Variants in SCARA3 observed in about 807,000 individuals in gnomAD.
The protein encoded by SCARA3 is scavenger receptor class A member 3, also known as cellular stress response gene protein.
A neutral mutation model predicts 47.0 loss-of-function variants in SCARA3; 39 were observed. The ratio of observed to expected loss-of-function variants is 0.83; its 90% CI spans 0.64 to 1.08. SCARA3 has a LOEUF of 1.08. Ranked by LOEUF, SCARA3 falls within the 50% of genes least tolerant of loss-of-function variation. SCARA3 has a pLI of 0.00. For missense variants in SCARA3, 724 were observed against 792.3 expected (o/e 0.91, Z 1.04); for synonymous variants, 356 against 334.1 (o/e 1.07, Z -0.71).
At chr8:27,653,570 C>CGTGTGTGTGTGTGTGTGTGTGTGT (rs61545866) in intron 3 of SCARA3, among the ~76,000 whole-genome samples, 117 of 145,190 alleles carry the variant, frequency 8.1e-4, no homozygotes, top group Non-Finnish European at 1.2e-3. Flanking sequence ...ATTTGTAAAG[C>CGTGTGTGTGTGTGTGTGTGTGTGT]GTGTGTGTGT....
intron 1 of SCARA3, among the ~76,000 whole-genome samples, chr8:27,646,145 T>C (rs550745111): frequency 2.0e-5 from 3 of 151,994 alleles, no homozygotes; most frequent in Admixed American, 6.6e-5. Flanking sequence ...GAAGACCTCT[T>C]TGGGGATTGG....
downstream of SCARA3, among the ~76,000 whole-genome samples, chr8:27,675,959 T>A (rs993881786): frequency 3.3e-5 from 5 of 152,150 alleles, no homozygotes; most frequent in Non-Finnish European, 7.4e-5. Flanking sequence ...ACGCCCCAGA[T>A]AAAACTTGAG....
chr8:27,699,285 A>G, the SCARA3 span, among the ~76,000 whole-genome samples: 2 of 148,246 alleles, frequency 1.3e-5, no homozygotes, highest in Non-Finnish European at 3.0e-5. Flanking sequence ...ATTTTCCTAT[A>G]TTCTTTTACA....
the SCARA3 span, among the ~76,000 whole-genome samples, chr8:27,697,847 A>G: frequency 2.0e-5 from 3 of 152,126 alleles, no homozygotes; most frequent in Admixed American, 6.6e-5. Flanking sequence ...TTTGCCTTCC[A>G]CCATGATTGT....
At chr8:27,714,840 G>A in the SCARA3 span, among the ~76,000 whole-genome samples, 1 of 152,160 alleles carries the variant, frequency 6.6e-6, no homozygotes, top group Non-Finnish European at 1.5e-5. Context: ...TACATATCAT[G>A]TATACATACA....
chr8:27,668,546 C>CAAAAA (rs61162841), intron 5 of SCARA3, among the ~76,000 whole-genome samples: 4 of 69,844 alleles, frequency 5.7e-5, no homozygotes, highest in South Asian at 6.5e-4. Context: ...GACTCCGTCT[C>CAAAAA]AAAAAAAAAA....
At position 27,651,498 on chromosome 8, in the gene SCARA3, T is replaced by G; in HGVS notation, c.107-10T>G. 6.2e-7 allele frequency: 1 copy of G among 1,610,208 alleles called. No individual in the cohort carries two copies. The highest frequency in any genetic ancestry group is 8.5e-7 in the Non-Finnish European group (1 of 1,179,854). ...GGCCTAAGCCATTGTCCTCCTTGTGTCCCCCACAGGCCGGCCAGGGCCCCG... is the reference window on the plus strand; with the variant it reads ...GGCCTAAGCCATTGTCCTCCTTGTGGCCCCCACAGGCCGGCCAGGGCCCCG... On this transcript the variant is annotated splice_polypyrimidine_tract_variant and intron_variant, in intron 2 of 5. Transcript: ENST00000301904.
rs1289366210 is a variant in SCARA3 at position 27,671,503 on chromosome 8, A to G, written c.*152A>G. The G allele has an allele frequency of 3.1e-6, 4 of 1,295,394 alleles. No homozygotes were observed. Among genetic ancestry groups the G allele is most frequent in the Non-Finnish European group, 3.9e-6 (4 of 1,027,214 alleles). The allele number at this position is 1,295,394 out of a possible 1,614,324, so 80.2% of individuals were successfully genotyped here. On this transcript the variant is annotated 3_prime_UTR_variant, in exon 6 of 6. Transcript: ENST00000301904. ...TGACCCTGCAGCTTTGGGCTCCCCC[A>G]TAGTGACTGTGCCATAGGAAAGCAG...
chr8:27,694,751 G>A, the SCARA3 span, among the ~76,000 whole-genome samples: 1 of 152,150 alleles, frequency 6.6e-6, no homozygotes, highest in Non-Finnish European at 1.5e-5. Flanking sequence ...GGATAGCAGA[G>A]GACAGGGAGG....
intron 3 of SCARA3, among the ~76,000 whole-genome samples, chr8:27,655,325 T>TC (rs1387850694): frequency 5.3e-5 from 8 of 152,128 alleles, no homozygotes; most frequent in African/African-American, 1.9e-4. Context: ...GCTAATTCTT[T>TC]CCCCTTGTAC....
rs537828895 is a variant in SCARA3, at chr8:27,649,756, C to T, written c.62C>T (p.Ala21Val). The change falls in exon 2 of 6, where the codon GCG (alanine) becomes GTG (valine). Residue 21 changes from alanine to valine, a missense_variant. By Grantham distance (64) the Ala-to-Val change is moderately conservative. Transcript: ENST00000301904. ...DALCVTEEDL[A>V]GDDEDMPTFP... ...TTGTGCGTTACAGAAGAGGACCTGG[C>T]GGGTGACGACGAGGACATGCCGACC... 6.8e-6 allele frequency: 11 copies of T among 1,613,974 alleles called. No homozygotes were observed. Among genetic ancestry groups the T allele is most frequent in the Middle Eastern group, 1.6e-4 (1 of 6,080 alleles).
chr8:27,646,425 C>T (rs1801494080), intron 1 of SCARA3, among the ~76,000 whole-genome samples: 1 of 152,140 alleles, frequency 6.6e-6, no homozygotes. Flanking sequence ...GTCAGCCTTG[C>T]TTGATTTAAG....
At chr8:27,666,730 G>A (rs1802022515) in intron 5 of SCARA3, among the ~76,000 whole-genome samples, 1 of 152,142 alleles carries the variant, frequency 6.6e-6, no homozygotes, top group Admixed American at 6.5e-5. Flanking sequence ...ACCATAAGAT[G>A]TACCATGGGC....
the SCARA3 span, among the ~76,000 whole-genome samples, chr8:27,711,133 G>A: frequency 2.0e-5 from 3 of 152,046 alleles, no homozygotes. Flanking sequence ...TGTTGGTCAG[G>A]CTGGTCTCAA....
chr8:27,709,936 T>C, the SCARA3 span, among the ~76,000 whole-genome samples: 1 of 152,190 alleles, frequency 6.6e-6, no homozygotes, highest in Non-Finnish European at 1.5e-5. Context: ...TTCAGTGGTA[T>C]TTGATTACAG....
chr8:27,641,942 C>T (rs1585272506), intron 1 of SCARA3, among the ~76,000 whole-genome samples: 1 of 152,220 alleles, frequency 6.6e-6, no homozygotes, highest in South Asian at 2.1e-4. Flanking sequence ...TGCCTCTGAA[C>T]ATAGGTCCCA....
chr8:27,664,102 G>C (rs945463444), intron 5 of SCARA3, among the ~76,000 whole-genome samples: 1 of 152,186 alleles, frequency 6.6e-6, no homozygotes, highest in Non-Finnish European at 1.5e-5. Context: ...GAGGTGGAAG[G>C]CTCTCGAATT....
rs1325661155 is a variant in SCARA3, at chr8:27,671,474, G to GGGCT, written c.*125_*128dup. The stretch of plus-strand genomic sequence containing the variant: ...CTGATTCCAATGAGGGGGCTCCCCA[G>GGGCT]GGCTGACCCTGCAGCTTTGGGCTCC... On this transcript the variant is annotated 3_prime_UTR_variant, in exon 6 of 6. Coordinates refer to ENST00000301904, the MANE Select transcript of SCARA3 (RefSeq NM_016240.3). The GGGCT allele has an allele frequency of 3.0e-6, 4 of 1,312,688 alleles. No individual in the cohort carries two copies. In the East Asian group the frequency reaches 9.1e-5, roughly 30 times the overall value. The allele number at this position is 1,312,688 out of a possible 1,614,324, so 81.3% of individuals were successfully genotyped here.
Position 27,671,623 on chromosome 8 carries a change from TAC to T in SCARA3, c.*276_*277del. On this transcript the variant is annotated 3_prime_UTR_variant, in exon 6 of 6. Coordinates refer to ENST00000301904, the MANE Select transcript of SCARA3 (RefSeq NM_016240.3). ...GCACACATACACATGCATGCACACATACACAGGCATACATGCATGCACACACA... is the reference window on the plus strand; with the variant it reads ...GCACACATACACATGCATGCACACATACAGGCATACATGCATGCACACACA... 4 of 1,157,168 alleles carry T rather than the reference TAC, an allele frequency of 3.5e-6. No homozygotes were observed. Among genetic ancestry groups the T allele is most frequent in the Non-Finnish European group, 4.3e-6 (4 of 933,768 alleles). The allele number at this position is 1,157,168 out of a possible 1,614,324, so 71.7% of individuals were successfully genotyped here.
Sources: gnomAD v4.1 joint callset for allele counts (sites outside exome capture counted in the v4.1 genomes callset) on GRCh38, gnomAD v4.1.1 for gene constraint, MANE v1.5 for transcripts, NCBI Gene and HGNC (gene_info 2026-07-23, HGNC 2026-07-21) for gene names.